Variants in SNX6 observed in about 807,000 individuals in gnomAD.
The protein encoded by SNX6 is sorting nexin 6, also known as sorting nexin-6.
SNX6 carries 34 observed loss-of-function variants against 63.0 expected under a neutral mutation model. The ratio of observed to expected loss-of-function variants is 0.54; its 90% CI spans 0.41 to 0.72. The LOEUF (loss-of-function observed/expected upper bound fraction) is 0.72. SNX6 is among the 30% of genes least tolerant of loss of function. The pLI is 0.00. For synonymous variants in SNX6, 170 were observed against 164.2 expected, an observed-to-expected ratio of 1.04 and a Z score of -0.27; for missense variants, 398 against 471.4, an observed-to-expected ratio of 0.84 and a Z score of 1.44.
rs201434808 is a variant in SNX6, at chr14:34,584,599, C to CAT, written c.794+1629_794+1630dup. On this transcript the variant is annotated intron_variant, in intron 9 of 13. Coordinates refer to ENST00000362031, the MANE Select transcript of SNX6 (RefSeq NM_152233.4). ...ATAAACACATATACATACATACATA[C>CAT]ATATATATATATTCTAATTCCCAAA... Among the ~76,000 whole-genome samples, 162 of 151,828 alleles carry CAT rather than the reference C, an allele frequency of 1.1e-3. 1 individual carries two copies. The highest frequency in any genetic ancestry group is 7.4e-3 in the Admixed American group (113 of 15,206).
rs766138789 is a variant in SNX6, at chr14:34,581,592, A to C, written c.803T>G (p.Leu268Arg). 6.1e-6 allele frequency: 9 copies of C among 1,481,628 alleles called. No individual in the cohort carries two copies. The highest frequency in any genetic ancestry group is 7.5e-6 in the Non-Finnish European group (8 of 1,066,176). 91.8% of individuals were successfully genotyped at this position (1,481,628 alleles called of 1,614,324 possible). The change falls in exon 10 of 14, where the codon CTC becomes CGC. Residue 268 changes from leucine (L) to arginine (R), a missense_variant. By Grantham distance (102) the Leu-to-Arg change is moderately radical. Transcript: ENST00000362031. ...TTTATCGAACAGTTCTGAAACTTTGAGAAAAAACCTGGAAAGGAAAATATT... is the reference window on the plus strand; with the variant it reads ...TTTATCGAACAGTTCTGAAACTTTGCGAAAAAACCTGGAAAGGAAAATATT... ...QDSTDICKFFLKVSELFDKTR... is the reference protein window; with the variant it reads ...QDSTDICKFFRKVSELFDKTR...
chr14:34,621,951 C>CTTTTTTTTTTTTTTT (rs1037764907), intron 2 of SNX6, among the ~76,000 whole-genome samples: 2 of 77,408 alleles, frequency 2.6e-5, no homozygotes, highest in Non-Finnish European at 2.3e-5. Flanking sequence ...CATGTCTTTC[C>CTTTTTTTTTTTTTTT]TTTTTTTTTT....
At chr14:34,614,271 C>A (rs4584737) in intron 2 of SNX6, among the ~76,000 whole-genome samples, 59,337 of 150,824 alleles carry the variant, frequency 0.39, 12,922 homozygotes, top group East Asian at 0.73. Context: ...TAAAAAAAAA[C>A]CGAAAACAAT....
chr14:34,597,338 A>G (rs543363135), intron 7 of SNX6, among the ~76,000 whole-genome samples: 2 of 152,310 alleles, frequency 1.3e-5, no homozygotes, highest in African/African-American at 4.8e-5. Context: ...TCAGTTGGGC[A>G]AATTCCCTTG....
At chr14:34,605,820 C>A in intron 4 of SNX6, 103 bp from the exon 5 acceptor site, 1 of 1,363,788 alleles carries the variant, frequency 7.3e-7, no homozygotes, top group South Asian at 1.6e-5. Context: ...TAAGGGGATC[C>A]AGAATGAGCT....
intron 2 of SNX6, 44 bp from the exon 3 acceptor site, chr14:34,609,786 A>G (rs909782149): frequency 2.3e-6 from 3 of 1,331,578 alleles, no homozygotes; most frequent in Non-Finnish European, 3.2e-6. Flanking sequence ...CATGTTTTAT[A>G]TAATTTCATT....
chr14:34,567,078 G>C (rs1384462668), intron 13 of SNX6, among the ~76,000 whole-genome samples: 4 of 151,782 alleles, frequency 2.6e-5, no homozygotes, highest in Admixed American at 6.6e-5. Flanking sequence ...ACAAAAATTA[G>C]CTGGGTGTGG....
chr14:34,568,071 C>A (rs2138260998), intron 11 of SNX6, 58 bp from the exon 12 acceptor site: 1 of 1,430,162 alleles, frequency 7.0e-7, no homozygotes, highest in South Asian at 1.2e-5. Flanking sequence ...GTAGTCACAC[C>A]CAGCCACCAC....
intron 8 of SNX6, among the ~76,000 whole-genome samples, chr14:34,587,008 C>CA (rs71121211): frequency 0.038 from 1,909 of 50,314 alleles, 89 homozygotes; most frequent in African/African-American, 0.059. Flanking sequence ...GACTCTGTCT[C>CA]AAAAAAAAAA....
At chr14:34,607,530 A>C (rs1170885836) in intron 4 of SNX6, among the ~76,000 whole-genome samples, 1 of 152,128 alleles carries the variant, frequency 6.6e-6, no homozygotes, top group East Asian at 1.9e-4. Context: ...GAATCGCCTG[A>C]ATCCAGGAGG....
chr14:34,606,372 C>T (rs536543869), intron 4 of SNX6, among the ~76,000 whole-genome samples: 3 of 151,860 alleles, frequency 2.0e-5, no homozygotes, highest in African/African-American at 7.2e-5. Flanking sequence ...CCACCCACTT[C>T]AGGCTCCTAA....
intron 2 of SNX6, among the ~76,000 whole-genome samples, chr14:34,623,591 A>G: frequency 6.6e-6 from 1 of 152,220 alleles, no homozygotes; most frequent in East Asian, 1.9e-4. Flanking sequence ...CCAAGCAGGA[A>G]GAAGCAAGGA....
intron 2 of SNX6, among the ~76,000 whole-genome samples, chr14:34,618,100 T>A (rs557416633): frequency 6.6e-6 from 1 of 151,960 alleles, no homozygotes; most frequent in Non-Finnish European, 1.5e-5. Context: ...AGAAAGAAAA[T>A]AACTTTGACT....
chr14:34,599,383 A>C (rs1882717692), intron 6 of SNX6, among the ~76,000 whole-genome samples: 1 of 152,144 alleles, frequency 6.6e-6, no homozygotes, highest in Non-Finnish European at 1.5e-5. Context: ...AGGCGGGTGA[A>C]TCACCTGAGG....
rs12147819 is a variant in SNX6, at chr14:34,605,994, T to C, written c.271-277A>G. Among the ~76,000 whole-genome samples the C allele has an allele frequency of 3.8e-3, 583 of 151,546 alleles. 3 individuals carry two copies. Among genetic ancestry groups the C allele is most frequent in the Non-Finnish European group, 6.7e-3 (453 of 67,874 alleles). Reference sequence around the variant, plus strand: ...TTCAAGACCAGCCTGGCCAACATGATAAAATCCCGTCTCTACCAAAAATAC... The same window carrying C: ...TTCAAGACCAGCCTGGCCAACATGACAAAATCCCGTCTCTACCAAAAATAC... On this transcript the variant is annotated intron_variant, in intron 4 of 13. Transcript: ENST00000362031.
chr14:34,591,554 C>T (rs1013658422), intron 8 of SNX6, among the ~76,000 whole-genome samples: 1 of 151,746 alleles, frequency 6.6e-6, no homozygotes, highest in Non-Finnish European at 1.5e-5. Context: ...GAGACGAGAT[C>T]GTACCATTGC....
intron 5 of SNX6, among the ~76,000 whole-genome samples, chr14:34,605,143 T>C (rs1437724142): frequency 2.0e-5 from 3 of 152,100 alleles, no homozygotes; most frequent in African/African-American, 7.2e-5. Context: ...AGTTGCTCAG[T>C]ACATTCTCTT....
intron 2 of SNX6, among the ~76,000 whole-genome samples, chr14:34,611,350 C>T (rs1594742893): frequency 6.6e-6 from 1 of 152,160 alleles, no homozygotes; most frequent in Admixed American, 6.6e-5. Flanking sequence ...ATGTTGTACA[C>T]CTGTAGTCCC....
Position 34,630,119 on chromosome 14 carries a change from C to A in SNX6, c.-3G>T, listed in dbSNP as rs969700720. The A allele has an allele frequency of 1.5e-6, 2 of 1,376,134 alleles. No homozygotes were observed. Among genetic ancestry groups the A allele is most frequent in the Admixed American group, 3.8e-5 (1 of 26,492 alleles). 85.2% of individuals were successfully genotyped at this position (1,376,134 alleles called of 1,614,324 possible). A position where few individuals can be genotyped will look rare whatever the true frequency, so the allele number is the denominator to read the frequency against. ...CCGCGGAGAACACCCACCATCATGGCTGCTCCGAGGCGAGGGCCGGCGCAG... is the reference window on the plus strand; with the variant it reads ...CCGCGGAGAACACCCACCATCATGGATGCTCCGAGGCGAGGGCCGGCGCAG... On this transcript the variant is annotated 5_prime_UTR_variant, in exon 1 of 14. Coordinates refer to ENST00000362031, the MANE Select transcript of SNX6 (RefSeq NM_152233.4).
Sources: gnomAD v4.1 joint callset for allele counts (sites outside exome capture counted in the v4.1 genomes callset) on GRCh38, gnomAD v4.1.1 for gene constraint, MANE v1.5 for transcripts, NCBI Gene and HGNC (gene_info 2026-07-23, HGNC 2026-07-21) for gene names.